MID1: variants seen among roughly 807,000 people sequenced by gnomAD.
MID1 encodes the protein E3 ubiquitin-protein ligase Midline-1.
A neutral mutation model predicts 40.4 loss-of-function variants in MID1; 7 were observed. The ratio of observed to expected loss-of-function variants is 0.17; its 90% CI spans 0.10 to 0.33. The LOEUF (loss-of-function observed/expected upper bound fraction) is 0.33. Ranked by LOEUF, MID1 falls within the 10% of genes least tolerant of loss-of-function variation. The pLI is 1.00. For synonymous variants in MID1, 229 were observed against 221.2 expected (o/e 1.04, Z -0.31); for missense variants, 367 against 558.5 (o/e 0.66, Z 3.46).
At chrX:10,793,596 C>A (rs185655169) in intron 1 of MID1, among the ~76,000 whole-genome samples, 3 of 112,130 alleles carry the variant, frequency 2.7e-5, no homozygotes, top group African/African-American at 9.7e-5. Flanking sequence ...AAACTGAAAT[C>A]AGCCCATGCC....
chrX:10,525,948 C>T (rs1932821747), intron 2 of MID1, among the ~76,000 whole-genome samples: 1 of 112,473 alleles, frequency 8.9e-6, no homozygotes, highest in Non-Finnish European at 1.9e-5. Context: ...CACCACTCTA[C>T]ACTTTCTTTC....
rs148425939 is a variant in MID1, at chrX:10,726,685, C to G, written c.-186-106266G>C. On this transcript the variant is annotated intron_variant, in intron 1 of 10. Transcript: ENST00000380785. ...CCAAGAACAGCAGGGTTTACCTTTG[C>G]CCTCATTTCCCATCTTAAGAACTGT... is the stretch of plus-strand genomic sequence containing the variant. 6.6e-3 allele frequency among the ~76,000 whole-genome samples: 742 copies of G among 112,368 alleles called. 7 individuals are homozygous for G. Among genetic ancestry groups the G allele is most frequent in the African/African-American group, 0.023 (708 of 31,004 alleles).
At chrX:10,730,657 C>T (rs1318791140) in intron 1 of MID1, among the ~76,000 whole-genome samples, 3 of 106,808 alleles carry the variant, frequency 2.8e-5, no homozygotes, top group African/African-American at 6.9e-5. Flanking sequence ...CTGCAAGCTC[C>T]GCCTCCCGTG....
chrX:10,786,858 C>G (rs1419420707), intron 1 of MID1, among the ~76,000 whole-genome samples: 1 of 107,341 alleles, frequency 9.3e-6, no homozygotes, highest in African/African-American at 3.4e-5. Flanking sequence ...AGGAGATATA[C>G]CTAATGTTAA....
At chrX:10,802,131 G>A (rs763755094) in intron 1 of MID1, among the ~76,000 whole-genome samples, 1 of 111,381 alleles carries the variant, frequency 9.0e-6, no homozygotes, top group Non-Finnish European at 1.9e-5. Flanking sequence ...ACAGTGAGCC[G>A]AGATCACGCC....
intron 2 of MID1, among the ~76,000 whole-genome samples, chrX:10,550,425 C>T (rs758342269): frequency 4.5e-5 from 5 of 112,086 alleles, no homozygotes; most frequent in Non-Finnish European, 9.4e-5. Context: ...CTGGCATGTG[C>T]GGGCCCAGAC....
chrX:10,685,787 T>C (rs1346904658), intron 1 of MID1, among the ~76,000 whole-genome samples: 1 of 110,231 alleles, frequency 9.1e-6, no homozygotes, highest in African/African-American at 3.3e-5. Context: ...TACATTTGTG[T>C]GCCTTTTCTC....
At position 10,809,478 on chromosome X, in the gene MID1, C is replaced by T. The variant is rs201361310; in HGVS notation, c.-187+24076G>A. Among the ~76,000 whole-genome samples, 6 of 111,654 alleles carry T rather than the reference C, an allele frequency of 5.4e-5. No homozygotes were observed. The East Asian group carries it at 1.4e-3, about 26-fold the overall frequency. The stretch of plus-strand genomic sequence containing the variant: ...ATGCTGCTATAAAGACACATGCACA[C>T]ATATGTTTATTGCGGCACTATTCAC... On this transcript the variant is annotated intron_variant, in intron 1 of 10. Coordinates refer to the MID1 transcript ENST00000380785.
At chrX:10,661,660 A>AT (rs2042914278) in intron 1 of MID1, among the ~76,000 whole-genome samples, 1 of 111,772 alleles carries the variant, frequency 8.9e-6, no homozygotes, top group African/African-American at 3.3e-5. Context: ...TCAAAAATCT[A>AT]TTTTTCATAC....
chrX:10,780,205 A>G (rs996530070), intron 1 of MID1, among the ~76,000 whole-genome samples: 2 of 111,110 alleles, frequency 1.8e-5, no homozygotes, highest in Non-Finnish European at 3.8e-5. Context: ...ACCTCAGGTG[A>G]TCTGCTTGTG....
intron 4 of MID1, among the ~76,000 whole-genome samples, chrX:10,494,644 C>T (rs1379861493): frequency 9.2e-6 from 1 of 108,564 alleles, no homozygotes; most frequent in Non-Finnish European, 1.9e-5. Context: ...TGTGGTGGCC[C>T]ATGCCTGTAG....
intron 1 of MID1, among the ~76,000 whole-genome samples, chrX:10,569,511 T>C (rs1313515489): frequency 1.6e-4 from 18 of 112,364 alleles, no homozygotes. Context: ...TTTTGGTTAA[T>C]CATAGAAAAA....
At chrX:10,488,730 T>C (rs6640656) in intron 4 of MID1, among the ~76,000 whole-genome samples, 7,598 of 110,321 alleles carry the variant, frequency 0.069, 560 homozygotes, top group African/African-American at 0.21. Context: ...CACCCTTAAT[T>C]GGGTGGGCAC....
In MID1 at chrX:10,789,306, T is replaced by C. The variant is rs556788996; in HGVS notation, c.-187+44248A>G. Among the ~76,000 whole-genome samples the C allele has an allele frequency of 2.7e-5, 3 of 112,787 alleles. No individual in the cohort carries two copies. In the South Asian group the frequency reaches 1.1e-3, roughly 42 times the overall value. ...TAATCTACTCTTGAATAAATGCTCTTATCTTATTTTACATCTGTCAGTGAA... is the reference window on the plus strand; with the variant it reads ...TAATCTACTCTTGAATAAATGCTCTCATCTTATTTTACATCTGTCAGTGAA... On this transcript the variant is annotated intron_variant, in intron 1 of 10. Coordinates refer to the MID1 transcript ENST00000380785.
At chrX:10,620,930 A>T (rs1935926806), upstream of MID1, among the ~76,000 whole-genome samples, 1 of 112,077 alleles carries the variant, frequency 8.9e-6, no homozygotes, top group African/African-American at 3.2e-5. Flanking sequence ...TTAAAAGGAT[A>T]TCTTGCACTG....
Position 10,456,999 on chromosome X carries a change from A to G in MID1, c.1448-1922T>C, listed in dbSNP as rs144819922. Among the ~76,000 whole-genome samples the G allele has an allele frequency of 7.9e-3, 889 of 112,309 alleles. 11 individuals are homozygous for G. The highest frequency in any genetic ancestry group is 0.026 in the African/African-American group (815 of 30,880). ...TAAAAAGAAGTCCTTAGGAATGATCATGCTAGCAACTATCAGAGATAAACT... is the reference window on the plus strand; with the variant it reads ...TAAAAAGAAGTCCTTAGGAATGATCGTGCTAGCAACTATCAGAGATAAACT... On this transcript the variant is annotated intron_variant, in intron 8 of 9. Coordinates refer to ENST00000317552, the MANE Select transcript of MID1 (RefSeq NM_000381.4).
At chrX:10,625,981 C>A (rs1340282168) in intron 1 of MID1, among the ~76,000 whole-genome samples, 1 of 111,158 alleles carries the variant, frequency 9.0e-6, no homozygotes, top group East Asian at 2.8e-4. Flanking sequence ...ATGGAGGAGT[C>A]CTGGAGTTAG....
chrX:10,755,193 AAT>A (rs2043624957), intron 1 of MID1, among the ~76,000 whole-genome samples: 1 of 112,251 alleles, frequency 8.9e-6, no homozygotes, highest in African/African-American at 3.2e-5. Flanking sequence ...TCCAAATTCA[AAT>A]ATGTCCCCTG....
chrX:10,678,863 TC>T (rs2043040295), intron 1 of MID1, among the ~76,000 whole-genome samples: 1 of 111,985 alleles, frequency 8.9e-6, no homozygotes, highest in African/African-American at 3.2e-5. Context: ...TGGACTAAAT[TC>T]AAAGGTTTGG....
Sources: allele counts gnomAD v4.1 joint callset (sites outside exome capture counted in the v4.1 genomes callset), GRCh38; gene constraint gnomAD v4.1.1; transcripts MANE v1.5; gene names NCBI Gene and HGNC (gene_info 2026-07-23, HGNC 2026-07-21).